MACF1: variants seen among roughly 807,000 people sequenced by gnomAD.
MACF1 encodes the protein microtubule-actin cross-linking factor 1.
MACF1 carries 193 observed loss-of-function variants against 854.8 expected under a neutral mutation model. The observed-to-expected ratio is 0.23, with a 90% confidence interval of 0.20 to 0.25. The LOEUF (loss-of-function observed/expected upper bound fraction) is 0.25, where lower values mean the gene tolerates loss of function less well. Among genes scored for constraint, MACF1 ranks in the 10% least tolerant of loss-of-function variants. The pLI is 1.00. For synonymous variants in MACF1, 3,185 were observed against 3,226.7 expected (o/e 0.99, Z 0.44); for missense variants, 7,722 against 8,929.1 (o/e 0.86, Z 5.45).
intron 100 of MACF1, 70 bp downstream of exon 100, chr1:39,484,800 C>T (rs947524169): frequency 3.2e-6 from 5 of 1,582,450 alleles, no homozygotes; most frequent in Non-Finnish European, 4.3e-6. Context: ...TGGAATGTTT[C>T]ACTGCTCCCA....
intron 58 of MACF1, among the ~76,000 whole-genome samples, chr1:39,417,575 C>T (rs2148627587): frequency 6.6e-6 from 1 of 151,462 alleles, no homozygotes; most frequent in South Asian, 2.1e-4. Context: ...TAGACAGAGT[C>T]TCACTCTGTT....
chr1:39,452,329 G>T lies in MACF1; in HGVS notation c.20592G>T (p.Arg6864=). ...AACTCTCTGTTTCCAAACAAAGCCGGCTTGAGCAGGCCTTAAAACAAGTAA... is the reference window on the plus strand; with the variant it reads ...AACTCTCTGTTTCCAAACAAAGCCGTCTTGAGCAGGCCTTAAAACAAGTAA... The part of the protein sequence containing the change: ...VCKLSVSKQS[R]LEQALKQAEV... The change falls in exon 86 of 101, where the codon CGG becomes CGT. Residue 6864 remains arginine (R), a synonymous_variant. Coordinates refer to ENST00000564288, the MANE Select transcript of MACF1 (RefSeq NM_001394062.1). 1.2e-6 allele frequency: 2 copies of T among 1,613,948 alleles called. No homozygotes were observed. Among genetic ancestry groups the T allele is most frequent in the South Asian group, 2.2e-5 (2 of 91,042 alleles).
Position 39,435,638 on chromosome 1 carries a change from C to A in MACF1, c.17865C>A (p.Asn5955Lys). Residue 5955 changes from asparagine (N) to lysine (K), a missense_variant, in exon 70 of 101, where the codon AAC (asparagine) becomes AAA (lysine). Coordinates refer to ENST00000564288, the MANE Select transcript of MACF1 (RefSeq NM_001394062.1). Reference protein sequence around the residue: ...LKIGPQLKELNPEEGEMVEEK... With the variant: ...LKIGPQLKELKPEEGEMVEEK... ...TAGGCCCACAACTAAAGGAATTAAACCCTGAGGAAGGGGAAATGGTGGAAG... is the reference window on the plus strand; with the variant it reads ...TAGGCCCACAACTAAAGGAATTAAAACCTGAGGAAGGGGAAATGGTGGAAG... 6.2e-7 allele frequency: 1 copy of A among 1,614,092 alleles called. No individual in the cohort carries two copies. Among genetic ancestry groups the A allele is most frequent in the Non-Finnish European group, 8.5e-7 (1 of 1,179,990 alleles).
At chr1:39,285,861 A>G in intron 14 of MACF1, 103 bp downstream of exon 14, 1 of 1,326,340 alleles carries the variant, frequency 7.5e-7, no homozygotes, top group Non-Finnish European at 1.0e-6. Context: ...TAACCTGGAC[A>G]TTTGAGGTCA....
rs750493136 is a variant in MACF1, at chr1:39,205,010, G to C, written c.-13G>C. ...GTGGCTAACTCAAGGGAGGAGAAAG[G>C]ACGGGCCTGGAAATGCCCCTCTTAG... is the stretch of plus-strand genomic sequence containing the variant. On this transcript the variant is annotated 5_prime_UTR_variant, in exon 1 of 101. Transcript: ENST00000564288. 1 of 702,944 alleles carries C rather than the reference G, an allele frequency of 1.4e-6. No homozygotes were observed. Among genetic ancestry groups the C allele is most frequent in the South Asian group, 1.5e-5 (1 of 67,582 alleles). 43.5% of individuals were successfully genotyped at this position (702,944 alleles called of 1,614,324 possible). A position where few individuals can be genotyped will look rare whatever the true frequency, so the allele number is the denominator to read the frequency against.
chr1:39,411,775 T>A, intron 58 of MACF1: 1 of 1,613,756 alleles, frequency 6.2e-7, no homozygotes, highest in Non-Finnish European at 8.5e-7. Context: ...TGCAGAAAAT[T>A]TACTCGTAAT....
At chr1:39,478,816 T>G (rs11206163) in intron 97 of MACF1, among the ~76,000 whole-genome samples, 6,086 of 152,276 alleles carry the variant, frequency 0.04, 418 homozygotes, top group East Asian at 0.33. Flanking sequence ...TCATAATGAT[T>G]CCCTTTTCTC....
Position 39,333,821 on chromosome 1 carries a change from T to C in MACF1, c.7233T>C (p.Ile2411=), listed in dbSNP as rs766622744. Residue 2411 remains isoleucine (I), a synonymous_variant, in exon 37 of 101, where the codon ATT becomes ATC. Transcript: ENST00000564288. ...ILERQVVTGG[I]IDLKRGKKVS... is the part of the protein sequence containing the mutation. The stretch of plus-strand genomic sequence containing the variant: ...AGAGGCAGGTGGTGACTGGTGGAAT[T>C]ATTGATCTGAAACGAGGCAAAAAAG... 2.5e-6 allele frequency: 4 copies of C among 1,614,016 alleles called. No homozygotes were observed. Among genetic ancestry groups the C allele is most frequent in the Non-Finnish European group, 8.5e-7 (1 of 1,180,030 alleles).
Position 39,393,196 on chromosome 1 carries a change from A to AATATATATATATATAT in MACF1, c.15816+4551_15816+4566dup, listed in dbSNP as rs1553345251. On this transcript the variant is annotated intron_variant, in intron 58 of 100. Transcript: ENST00000564288. ...CTGGGAAGGGTAAAAAAAAAAAAAA[A>AATATATATATATATAT]ATATATATATATATATATATATATA... is the stretch of plus-strand genomic sequence containing the variant. Among the ~76,000 whole-genome samples, 23 of 66,546 alleles carry AATATATATATATATAT rather than the reference A, an allele frequency of 3.5e-4. 1 individual carries two copies. The highest frequency in any genetic ancestry group is 1.0e-3 in the African/African-American group (12 of 11,878). 43.7% of individuals were successfully genotyped at this position (66,546 alleles called of 152,430 possible).
At chr1:39,421,054 A>T (rs1280849878) in intron 58 of MACF1, among the ~76,000 whole-genome samples, 3 of 151,998 alleles carry the variant, frequency 2.0e-5, no homozygotes, top group African/African-American at 7.2e-5. Flanking sequence ...TTTAGTAGAG[A>T]CAGGGTTTCA....
intron 2 of MACF1, among the ~76,000 whole-genome samples, chr1:39,248,694 A>G (rs1331100717): frequency 1.3e-5 from 2 of 152,148 alleles, no homozygotes; most frequent in Non-Finnish European, 2.9e-5. Flanking sequence ...AATCTTCCTT[A>G]TAATTTTCAC....
chr1:39,115,387 G>C (rs1039197538), intron 2 of MACF1, among the ~76,000 whole-genome samples: 13 of 152,142 alleles, frequency 8.5e-5, no homozygotes, highest in Admixed American at 6.6e-4. Context: ...TGGTATATGA[G>C]GGGGAGAGGG....
intron 2 of MACF1, among the ~76,000 whole-genome samples, chr1:39,133,224 G>C (rs964735775): frequency 2.0e-5 from 3 of 152,106 alleles, no homozygotes; most frequent in Admixed American, 2.0e-4. Flanking sequence ...GGGGGTATGG[G>C]GTGTGGTGGG....
At chr1:39,472,812 A>C (rs1258433134) in intron 97 of MACF1, among the ~76,000 whole-genome samples, 1 of 151,984 alleles carries the variant, frequency 6.6e-6, no homozygotes, top group African/African-American at 2.4e-5. Context: ...GGAAAATAAA[A>C]GGGAGAAGAC....
intron 65 of MACF1, 134 bp downstream of exon 65, chr1:39,430,202 T>A (rs1432726848): frequency 3.1e-6 from 3 of 968,054 alleles, no homozygotes; most frequent in African/African-American, 1.7e-5. Context: ...GACAGTAAGA[T>A]TTGACATAAA....
At chr1:39,426,769 G>GT (rs144667819) in intron 61 of MACF1, among the ~76,000 whole-genome samples, 4,862 of 150,496 alleles carry the variant, frequency 0.032, 456 homozygotes, top group East Asian at 0.25. Context: ...TTTTTGTTTG[G>GT]TTTTTTTTTG....
intron 21 of MACF1, among the ~76,000 whole-genome samples, chr1:39,297,994 T>C (rs577850506): frequency 6.6e-6 from 1 of 152,346 alleles, no homozygotes; most frequent in South Asian, 2.1e-4. Flanking sequence ...TCTTCTCCTC[T>C]GAGCCACTTT....
intron 58 of MACF1, among the ~76,000 whole-genome samples, chr1:39,408,382 CG>C (rs1642798422): frequency 1.3e-5 from 2 of 152,290 alleles, no homozygotes; most frequent in South Asian, 4.1e-4. Context: ...GGGAAAGTGC[CG>C]GGTTTAAGGC....
At chr1:39,248,179 G>C (rs1323999514) in intron 2 of MACF1, among the ~76,000 whole-genome samples, 3 of 152,002 alleles carry the variant, frequency 2.0e-5, no homozygotes, top group African/African-American at 7.3e-5. Flanking sequence ...AGTCTTATGT[G>C]GTTTTTCCGT....
Sources: allele counts gnomAD v4.1 joint callset (sites outside exome capture counted in the v4.1 genomes callset), GRCh38; gene constraint gnomAD v4.1.1; transcripts MANE v1.5; gene names NCBI Gene and HGNC (gene_info 2026-07-23, HGNC 2026-07-21).